Variants in DNAH14 observed in about 807,000 individuals in gnomAD.
DNAH14 encodes the protein dynein axonemal heavy chain 14.
DNAH14 carries 478 observed loss-of-function variants against 520.9 expected under a neutral mutation model. The observed-to-expected ratio is 0.92, with a 90% CI of 0.85 to 0.99. The LOEUF (loss-of-function observed/expected upper bound fraction) is 0.99. DNAH14 is among the 50% of genes least tolerant of loss of function. DNAH14 has a pLI of 0.00. For missense variants in DNAH14, 4,831 were observed against 5,234.5 expected, an observed-to-expected ratio of 0.92 and a Z score of 2.38; for synonymous variants, 1,581 against 1,757.2, an observed-to-expected ratio of 0.90 and a Z score of 2.51.
Position 225,335,211 on chromosome 1 carries a change from G to T in DNAH14, c.10080+1705G>T, listed in dbSNP as rs544558988. Reference sequence around the variant, plus strand: ...TGTGTATATATGCACACACGTACATGTGTGTATATATGCACATATACACAT... The same window carrying T: ...TGTGTATATATGCACACACGTACATTTGTGTATATATGCACATATACACAT... On this transcript the variant is annotated intron_variant, in intron 66 of 85. Coordinates refer to ENST00000682510, the MANE Select transcript of DNAH14 (RefSeq NM_001367479.1). Among the ~76,000 whole-genome samples, 124 of 141,144 alleles carry T rather than the reference G, an allele frequency of 8.8e-4. 1 individual carries two copies. The highest frequency in any genetic ancestry group is 3.0e-3 in the African/African-American group (121 of 40,114). The allele number at this position is 141,144 out of a possible 152,430, so 92.6% of individuals were successfully genotyped here.
chr1:225,240,545 G>T, intron 42 of DNAH14, 48 bp from the exon 43 acceptor site: 1 of 1,149,982 alleles, frequency 8.7e-7, no homozygotes, highest in Non-Finnish European at 1.2e-6. Context: ...TTCTTAAACT[G>T]CTTTCTAAAA....
At chr1:225,029,563 A>G (rs2449313) in intron 11 of DNAH14, among the ~76,000 whole-genome samples, 128,972 of 151,932 alleles carry the variant, frequency 0.85, 56,212 homozygotes, top group Non-Finnish European at 0.96. Context: ...TGTAGTTTAC[A>G]GTCTAGAGGA....
intron 23 of DNAH14, among the ~76,000 whole-genome samples, chr1:225,102,922 T>G (rs979577745): frequency 7.9e-5 from 12 of 152,346 alleles, no homozygotes; most frequent in East Asian, 3.9e-4. Context: ...TTTTGGCTTT[T>G]GTTGCCATTG....
intron 8 of DNAH14, among the ~76,000 whole-genome samples, chr1:224,998,581 C>T (rs530485410): frequency 1.3e-3 from 198 of 152,172 alleles, no homozygotes; most frequent in African/African-American, 4.4e-3. Context: ...TTTCCTATTA[C>T]TAATTTCTAG....
rs545898355 is a variant in DNAH14 at position 225,179,873 on chromosome 1, T to G, written c.5536-5418T>G. ...CTCCTTCATGTTAGAAGAGTGGGTT[T>G]TCTGGCTACAGTATTCTCAGTTGAC... On this transcript the variant is annotated intron_variant, in intron 36 of 85. Coordinates refer to ENST00000682510, the MANE Select transcript of DNAH14 (RefSeq NM_001367479.1). Among the ~76,000 whole-genome samples the G allele has an allele frequency of 2.6e-5, 4 of 152,114 alleles. No individual in the cohort carries two copies. In the South Asian group the frequency reaches 8.3e-4, roughly 32 times the overall value.
At position 225,023,623 on chromosome 1, in the gene DNAH14, A is replaced by T; in HGVS notation, c.1116A>T (p.Glu372Asp). ...TGTTTTTTAAATTGTAGGTTGCAGA[A>T]AAGAATGAAATCAAAGAGTATTTTG... ...EMKSTFLKVA[E>D]KNEIKEYFES... The change falls in exon 11 of 86, where the codon GAA (glutamate) becomes GAT (aspartate). Residue 372 changes from glutamate to aspartate, a missense_variant. Coordinates refer to ENST00000682510, the MANE Select transcript of DNAH14 (RefSeq NM_001367479.1). 1 of 1,517,164 alleles carries T rather than the reference A, an allele frequency of 6.6e-7. No homozygotes were observed. The highest frequency in any genetic ancestry group is 8.9e-7 in the Non-Finnish European group (1 of 1,127,092). The allele number at this position is 1,517,164 out of a possible 1,614,324, so 94.0% of individuals were successfully genotyped here.
At chr1:225,310,520 A>G (rs1047491448) in intron 60 of DNAH14, among the ~76,000 whole-genome samples, 2 of 152,156 alleles carry the variant, frequency 1.3e-5, no homozygotes, top group African/African-American at 4.8e-5. Flanking sequence ...ACATAGGTAT[A>G]TACGTGCCAT....
chr1:225,016,934 A>T (rs1350571659), intron 10 of DNAH14, among the ~76,000 whole-genome samples: 4 of 151,408 alleles, frequency 2.6e-5, no homozygotes, highest in African/African-American at 9.7e-5. Flanking sequence ...TTTTTCATTC[A>T]GTTTATGAAT....
At chr1:225,339,793 A>G (rs531186267) in intron 68 of DNAH14, among the ~76,000 whole-genome samples, 22 of 152,264 alleles carry the variant, frequency 1.4e-4, no homozygotes, top group South Asian at 6.2e-4. Flanking sequence ...AGTGGAATGA[A>G]GTATTGTCTC....
rs1275842303 is a variant in DNAH14 at position 225,192,833 on chromosome 1, T to C, written c.5808T>C (p.Tyr1936=). The change falls in exon 38 of 86, where the codon TAT becomes TAC. Residue 1936 remains tyrosine (Y), a synonymous_variant. Transcript: ENST00000682510. The part of the protein sequence containing the change: ...DGLLSATIRS[Y]VYFNTPKNTK... ...TATTATCAGCAACAATTCGAAGTTA[T>C]GTATATTTTAACACACCAAAGAACA... 5 of 1,550,182 alleles carry C rather than the reference T, an allele frequency of 3.2e-6. No homozygotes were observed. The African/African-American group carries it at 5.5e-5, about 17-fold the overall frequency.
intron 37 of DNAH14, among the ~76,000 whole-genome samples, chr1:225,190,002 T>TC (rs1483845059): frequency 5.9e-5 from 9 of 151,540 alleles, no homozygotes; most frequent in Middle Eastern, 3.2e-3. Context: ...CTGAATTGTG[T>TC]CCCCCCCACC....
chr1:225,049,814 C>CTATCA (rs745417182), intron 15 of DNAH14, among the ~76,000 whole-genome samples: 2 of 151,030 alleles, frequency 1.3e-5, no homozygotes, highest in African/African-American at 4.9e-5. Flanking sequence ...ATCTATCAAT[C>CTATCA]ATCTATCTAT....
At chr1:225,240,220 T>G (rs2091888467) in intron 42 of DNAH14, among the ~76,000 whole-genome samples, 1 of 151,162 alleles carries the variant, frequency 6.6e-6, no homozygotes, top group Non-Finnish European at 1.5e-5. Context: ...TGAAACATTT[T>G]TATGTAAATT....
At chr1:225,172,311 G>A (rs531688973) in intron 36 of DNAH14, among the ~76,000 whole-genome samples, 13 of 152,282 alleles carry the variant, frequency 8.5e-5, no homozygotes, top group South Asian at 2.1e-4. Context: ...TAGGAAAAGA[G>A]GAAGTCAAAT....
chr1:225,123,674 A>T, intron 27 of DNAH14, 60 bp downstream of exon 27: 1 of 275,248 alleles, frequency 3.6e-6, no homozygotes. Context: ...TTGCAGGTTC[A>T]ATTTCAGACC....
At chr1:225,336,223 TA>T in intron 66 of DNAH14, among the ~76,000 whole-genome samples, 1 of 151,096 alleles carries the variant, frequency 6.6e-6, no homozygotes, top group African/African-American at 2.4e-5. Context: ...AGAAAACATA[TA>T]TTATTTATAA....
chr1:225,286,160 G>A (rs146366745), intron 54 of DNAH14, among the ~76,000 whole-genome samples: 15 of 152,292 alleles, frequency 9.8e-5, no homozygotes, highest in South Asian at 6.2e-4. Context: ...AAGGGGAGAG[G>A]AGGGGAGAAA....
intron 36 of DNAH14, among the ~76,000 whole-genome samples, chr1:225,177,081 G>A (rs1163080397): frequency 6.6e-6 from 1 of 152,164 alleles, no homozygotes; most frequent in East Asian, 1.9e-4. Flanking sequence ...AAGCCTGATA[G>A]CAATATGAAA....
At chr1:225,314,322 A>G (rs1482371857) in intron 60 of DNAH14, among the ~76,000 whole-genome samples, 2 of 152,048 alleles carry the variant, frequency 1.3e-5, no homozygotes, top group Admixed American at 1.3e-4. Context: ...ATTTTGACCT[A>G]TGTGTGTCTT....
Sources: gnomAD v4.1 joint callset for allele counts (sites outside exome capture counted in the v4.1 genomes callset) on GRCh38, gnomAD v4.1.1 for gene constraint, MANE v1.5 for transcripts, NCBI Gene and HGNC (gene_info 2026-07-23, HGNC 2026-07-21) for gene names.